Variants in CYP2C18 observed in about 807,000 individuals in gnomAD.
CYP2C18 encodes cytochrome P450 2C18.
A neutral mutation model predicts 41.3 loss-of-function variants in CYP2C18; 38 were observed. That is an observed-to-expected ratio of 0.92 (90% CI 0.71 to 1.21). The LOEUF is 1.21. Among genes scored for constraint, CYP2C18 ranks in the 50% most tolerant of loss-of-function variants. CYP2C18 has a pLI of 0.00. For synonymous variants in CYP2C18, 236 were observed against 210.0 expected (o/e 1.12, Z -1.07); for missense variants, 635 against 591.4 (o/e 1.07, Z -0.77).
chr10:94,715,715 T>C (rs1005900512), intron 5 of CYP2C18, among the ~76,000 whole-genome samples: 1 of 152,158 alleles, frequency 6.6e-6, no homozygotes. Flanking sequence ...TTAGGGAGGA[T>C]TCCCTCTTTT....
chr10:94,731,253 G>T (rs1247839226), intron 7 of CYP2C18, among the ~76,000 whole-genome samples: 1 of 152,058 alleles, frequency 6.6e-6, no homozygotes, highest in African/African-American at 2.4e-5. Context: ...GGTGGCAAGT[G>T]CCTGTAGTCC....
intron 1 of CYP2C18, among the ~76,000 whole-genome samples, chr10:94,684,323 C>A (rs1204727136): frequency 1.3e-5 from 2 of 152,222 alleles, no homozygotes; most frequent in Admixed American, 6.5e-5. Flanking sequence ...TAACTCTGTA[C>A]CTGTTGACCA....
intron 5 of CYP2C18, among the ~76,000 whole-genome samples, chr10:94,716,574 A>C (rs112437302): frequency 2.6e-5 from 4 of 152,136 alleles, no homozygotes; most frequent in African/African-American, 9.6e-5. Context: ...GTTTTTTTAC[A>C]TTTGCTGAGG....
intron 7 of CYP2C18, among the ~76,000 whole-genome samples, chr10:94,726,597 A>G (rs1847746800): frequency 6.6e-6 from 1 of 151,976 alleles, no homozygotes; most frequent in South Asian, 2.1e-4. Context: ...TCATTGATGG[A>G]CATTTGGGTT....
chr10:94,693,109 C>G (rs1847041380), intron 3 of CYP2C18, among the ~76,000 whole-genome samples: 1 of 152,114 alleles, frequency 6.6e-6, no homozygotes, highest in African/African-American at 2.4e-5. Context: ...CACACGTATA[C>G]ATATGTAACA....
intron 4 of CYP2C18, among the ~76,000 whole-genome samples, chr10:94,697,773 G>A (rs983382964): frequency 5.9e-5 from 9 of 152,176 alleles, no homozygotes; most frequent in Non-Finnish European, 4.4e-5. Flanking sequence ...TCAAAATAAA[G>A]GGATGGAGGA....
chr10:94,707,621 G>A (rs1439980334), intron 5 of CYP2C18, among the ~76,000 whole-genome samples: 1 of 152,156 alleles, frequency 6.6e-6, no homozygotes, highest in Non-Finnish European at 1.5e-5. Context: ...TAGGAATTGT[G>A]TAGAAGGATA....
At chr10:94,690,243 T>A (rs1228144665) in intron 3 of CYP2C18, among the ~76,000 whole-genome samples, 1 of 152,198 alleles carries the variant, frequency 6.6e-6, no homozygotes, top group Non-Finnish European at 1.5e-5. Flanking sequence ...CCCATCCAAG[T>A]TGGACTCACC....
intron 4 of CYP2C18, among the ~76,000 whole-genome samples, chr10:94,697,955 A>T (rs1847153136): frequency 6.6e-6 from 1 of 152,212 alleles, no homozygotes; most frequent in Non-Finnish European, 1.5e-5. Flanking sequence ...TATGCACCCA[A>T]TACAGGAGCA....
intron 5 of CYP2C18, among the ~76,000 whole-genome samples, chr10:94,716,178 C>T (rs376363476): frequency 2.0e-5 from 3 of 152,028 alleles, no homozygotes; most frequent in Non-Finnish European, 4.4e-5. Context: ...GTGTCTCTAT[C>T]TCCTTCAGTT....
intron 2 of CYP2C18, 74 bp from the exon 3 acceptor site, chr10:94,688,045 TGTCCAC>T: frequency 6.2e-7 from 1 of 1,603,604 alleles, no homozygotes; most frequent in African/African-American, 1.3e-5. Context: ...GAACTTGACC[TGTCCAC>T]GTGGCTGCCG....
chr10:94,719,582 A>T (rs112089605), intron 5 of CYP2C18, among the ~76,000 whole-genome samples: 1,815 of 143,778 alleles, frequency 0.013, 50 homozygotes, highest in African/African-American at 0.044. Flanking sequence ...TTTGATTTTT[A>T]TTTTTTTTTT....
In CYP2C18 at chr10:94,724,411, A is replaced by G. The variant is rs1465143548; in HGVS notation, c.1027A>G (p.Ser343Gly). ...RNRSPCMQDR[S>G]HMPYTDAVVH... Reference sequence around the variant, plus strand: ...CCGGAGCCCCTGTATGCAGGACAGGAGTCACATGCCCTACACAGATGCTGT... The same window carrying G: ...CCGGAGCCCCTGTATGCAGGACAGGGGTCACATGCCCTACACAGATGCTGT... The change falls in exon 7 of 9, where the codon AGT (serine) becomes GGT (glycine). Residue 343 changes from serine to glycine, a missense_variant. Transcript: ENST00000285979. The G allele has an allele frequency of 1.9e-6, 3 of 1,613,644 alleles. No individual in the cohort carries two copies. Among genetic ancestry groups the G allele is most frequent in the Non-Finnish European group, 2.5e-6 (3 of 1,179,692 alleles).
chr10:94,692,423 C>T (rs1589792913), intron 3 of CYP2C18, among the ~76,000 whole-genome samples: 1 of 148,676 alleles, frequency 6.7e-6, no homozygotes, highest in South Asian at 2.1e-4. Context: ...ATGAAAAATG[C>T]TCATCATCAC....
chr10:94,726,326 C>A (rs1847741171), intron 7 of CYP2C18, among the ~76,000 whole-genome samples: 1 of 151,950 alleles, frequency 6.6e-6, no homozygotes, highest in Admixed American at 6.6e-5. Context: ...TTAGGTATTT[C>A]TCCTAATGTT....
chr10:94,734,149 G>T (rs1339243657), intron 8 of CYP2C18, among the ~76,000 whole-genome samples: 3 of 152,070 alleles, frequency 2.0e-5, no homozygotes, highest in Non-Finnish European at 4.4e-5. Flanking sequence ...TAGGGGGTCA[G>T]AACCTACCAA....
intron 6 of CYP2C18, 23 bp from the exon 7 acceptor site, chr10:94,724,323 A>G (rs991640392): frequency 1.9e-6 from 3 of 1,611,998 alleles, no homozygotes; most frequent in Non-Finnish European, 2.5e-6. Flanking sequence ...CTTTTCCATC[A>G]TTTCTTACTT....
chr10:94,695,473 C>G (rs1212226033), intron 4 of CYP2C18, among the ~76,000 whole-genome samples: 1 of 152,284 alleles, frequency 6.6e-6, no homozygotes, highest in Admixed American at 6.5e-5. Flanking sequence ...GACATGAACT[C>G]TCTCAGCATT....
At chr10:94,696,506 T>C (rs1223179056) in intron 4 of CYP2C18, among the ~76,000 whole-genome samples, 3 of 151,696 alleles carry the variant, frequency 2.0e-5, no homozygotes, top group African/African-American at 7.3e-5. Flanking sequence ...AGACCAAAGG[T>C]AGATAAAACC....
Sources: allele counts gnomAD v4.1 joint callset (sites outside exome capture counted in the v4.1 genomes callset), GRCh38; gene constraint gnomAD v4.1.1; transcripts MANE v1.5; gene names NCBI Gene and HGNC (gene_info 2026-07-23, HGNC 2026-07-21).